Variants in GRM5 observed in about 807,000 individuals in gnomAD.
GRM5 encodes metabotropic glutamate receptor 5.
In GRM5, 19 loss-of-function variants were observed where a neutral mutation model predicts 83.1. That is an observed-to-expected ratio of 0.23 (90% CI 0.16 to 0.34). The LOEUF (loss-of-function observed/expected upper bound fraction) is 0.34, where lower values mean the gene tolerates loss of function less well. GRM5 is among the 10% of genes least tolerant of loss of function. The pLI, the probability that GRM5 is intolerant of heterozygous loss-of-function variation, is 1.00. For missense variants in GRM5, 1,160 were observed against 1,588.3 expected, an observed-to-expected ratio of 0.73 and a Z score of 4.58; for synonymous variants, 675 against 633.6, an observed-to-expected ratio of 1.07 and a Z score of -0.98.
chr11:88,799,290 A>C (rs923415480), intron 3 of GRM5, among the ~76,000 whole-genome samples: 1 of 152,118 alleles, frequency 6.6e-6, no homozygotes, highest in Non-Finnish European at 1.5e-5. Context: ...TAAACACATT[A>C]AAAATGAAGA....
intron 3 of GRM5, among the ~76,000 whole-genome samples, chr11:88,742,060 G>A (rs933971217): frequency 6.6e-6 from 1 of 151,878 alleles, no homozygotes; most frequent in Non-Finnish European, 1.5e-5. Flanking sequence ...AGGTTAGGCT[G>A]TGCCACAGAT....
intron 3 of GRM5, among the ~76,000 whole-genome samples, chr11:88,849,157 A>G (rs1944347722): frequency 6.6e-6 from 1 of 151,906 alleles, no homozygotes; most frequent in Non-Finnish European, 1.5e-5. Flanking sequence ...ATATATATAT[A>G]CACACACACA....
At chr11:88,876,442 C>T (rs1037971790) in intron 2 of GRM5, among the ~76,000 whole-genome samples, 2 of 152,110 alleles carry the variant, frequency 1.3e-5, no homozygotes, top group Non-Finnish European at 2.9e-5. Context: ...AAGGCTATAT[C>T]AGATTCTTAT....
chr11:88,841,580 G>GA (rs1396425467), intron 3 of GRM5, among the ~76,000 whole-genome samples: 4 of 152,164 alleles, frequency 2.6e-5, no homozygotes, highest in Non-Finnish European at 4.4e-5. Context: ...TAGCCACAGG[G>GA]ATGGCTTCAT....
chr11:88,535,044 C>T (rs912723088), intron 8 of GRM5, among the ~76,000 whole-genome samples: 2 of 152,162 alleles, frequency 1.3e-5, no homozygotes, highest in African/African-American at 2.4e-5. Context: ...AACTGTAAAT[C>T]CAATTAAACC....
intron 3 of GRM5, among the ~76,000 whole-genome samples, chr11:88,792,261 G>A (rs2135476105): frequency 6.6e-6 from 1 of 152,160 alleles, no homozygotes; most frequent in Non-Finnish European, 1.5e-5. Context: ...TCCATTTCAT[G>A]CACAGATGAG....
In GRM5 at chr11:88,930,948, TAA is replaced by T. The variant is rs66517314; in HGVS notation, c.662-80795_662-80794del. On this transcript the variant is annotated intron_variant, in intron 2 of 9. Coordinates refer to ENST00000305447, the MANE Select transcript of GRM5 (RefSeq NM_001143831.3). ...AAGGGAAGTGTAGTAGGTCTTTCTT[TAA>T]AAAAAAATGGGAGATTGTAGTTGCT... Among the ~76,000 whole-genome samples, 12 of 151,994 alleles carry T rather than the reference TAA, an allele frequency of 7.9e-5. 1 individual carries two copies. The highest frequency in any genetic ancestry group is 4.2e-4 in the South Asian group (2 of 4,814).
rs555810832 is a variant in GRM5 at position 88,994,974 on chromosome 11, A to T, written c.661+52238T>A. Among the ~76,000 whole-genome samples, 4 of 152,276 alleles carry T rather than the reference A, an allele frequency of 2.6e-5. No homozygotes were observed. In the East Asian group the frequency reaches 7.7e-4, roughly 29 times the overall value. ...ATAACTAAAATGAAATTATTTAAAG[A>T]ATGTTTATTACTTACCTATAAATTG... On this transcript the variant is annotated intron_variant, in intron 2 of 9. Transcript: ENST00000305447.
rs373837435 is a variant in GRM5 at position 88,738,475 on chromosome 11, A to G, written c.912-85072T>C. 4.1e-4 allele frequency among the ~76,000 whole-genome samples: 62 copies of G among 152,246 alleles called. 1 individual carries two copies. The South Asian group carries it at 0.012, about 29-fold the overall frequency. On this transcript the variant is annotated intron_variant, in intron 3 of 9. Transcript: ENST00000305447. ...AAAAAATGTATTAAGAGGTCTCTTT[A>G]ATTCCACCATCTGCTTCTGCAAATG... is the stretch of plus-strand genomic sequence containing the variant.
intron 2 of GRM5, chr11:88,984,693 G>A (rs12801730): frequency 1.7e-6 from 1 of 596,726 alleles, no homozygotes; most frequent in Non-Finnish European, 3.1e-6. Flanking sequence ...AATCAAAAAG[G>A]GTTAAAAGTT....
chr11:88,519,177 T>C (rs1365672912), intron 9 of GRM5, among the ~76,000 whole-genome samples: 5 of 151,662 alleles, frequency 3.3e-5, no homozygotes, highest in African/African-American at 1.2e-4. Flanking sequence ...GGAGCAGCAA[T>C]GGGAGTTCCT....
chr11:88,582,670 A>G (rs904559124), intron 7 of GRM5, among the ~76,000 whole-genome samples: 30 of 152,200 alleles, frequency 2.0e-4, no homozygotes, highest in Non-Finnish European at 5.9e-5. Flanking sequence ...AGAATCATAA[A>G]CAAATAATAT....
intron 3 of GRM5, among the ~76,000 whole-genome samples, chr11:88,681,923 A>G (rs1164569287): frequency 6.6e-6 from 1 of 151,864 alleles, no homozygotes; most frequent in African/African-American, 2.4e-5. Context: ...GTGGAAAACC[A>G]TTTTCATGGT....
chr11:88,750,134 C>T (rs1413658311), intron 3 of GRM5, among the ~76,000 whole-genome samples: 1 of 152,052 alleles, frequency 6.6e-6, no homozygotes, highest in Non-Finnish European at 1.5e-5. Flanking sequence ...TTAAAAGACA[C>T]AGAATGAAAA....
At chr11:88,944,940 G>A (rs1297688151) in intron 2 of GRM5, among the ~76,000 whole-genome samples, 1 of 151,916 alleles carries the variant, frequency 6.6e-6, no homozygotes, top group East Asian at 1.9e-4. Flanking sequence ...TTGTGGATGA[G>A]ATGATCCTAT....
At chr11:88,715,438 A>C (rs2135388662) in intron 3 of GRM5, among the ~76,000 whole-genome samples, 1 of 151,924 alleles carries the variant, frequency 6.6e-6, no homozygotes, top group Non-Finnish European at 1.5e-5. Context: ...TTCATGAAAA[A>C]AAAAACTATA....
chr11:88,689,662 T>A (rs1940730759), intron 3 of GRM5, among the ~76,000 whole-genome samples: 1 of 152,158 alleles, frequency 6.6e-6, no homozygotes, highest in Non-Finnish European at 1.5e-5. Context: ...CTTTAGCAGA[T>A]CACTTTCTGA....
chr11:88,824,707 C>T (rs1943864625), intron 3 of GRM5, among the ~76,000 whole-genome samples: 1 of 151,948 alleles, frequency 6.6e-6, no homozygotes, highest in Non-Finnish European at 1.5e-5. Context: ...CTCACTTGCC[C>T]ACTGCTCACT....
rs1055194948 is a variant in GRM5, at chr11:88,507,671, G to C, written c.*921C>G. 2.6e-5 allele frequency: 4 copies of C among 152,284 alleles called. No homozygotes were observed. Among genetic ancestry groups the C allele is most frequent in the Non-Finnish European group, 4.4e-5 (3 of 68,010 alleles). 9.4% of individuals were successfully genotyped at this position (152,284 alleles called of 1,614,324 possible). A position where few individuals can be genotyped will look rare whatever the true frequency, so the allele number is the denominator to read the frequency against. ...AAACGCAACAGCATTCCTAAAGAGTGGCCATGTTTCTTGAAAGAGATAGCC... is the reference window on the plus strand; with the variant it reads ...AAACGCAACAGCATTCCTAAAGAGTCGCCATGTTTCTTGAAAGAGATAGCC... On this transcript the variant is annotated 3_prime_UTR_variant, in exon 10 of 10. Transcript: ENST00000305447.
Sources: gnomAD v4.1 joint callset for allele counts (sites outside exome capture counted in the v4.1 genomes callset) on GRCh38, gnomAD v4.1.1 for gene constraint, MANE v1.5 for transcripts, NCBI Gene and HGNC (gene_info 2026-07-23, HGNC 2026-07-21) for gene names.